The following PDK3 variants were observed in gnomAD, a reference collection of about 807,000 sequenced individuals.
PDK3 encodes the protein pyruvate dehydrogenase kinase 3, also known as pyruvate dehydrogenase kinase, isozyme 3.
In PDK3, 12 loss-of-function variants were observed where a neutral mutation model predicts 32.0. The ratio of observed to expected loss-of-function variants is 0.37; its 90% CI spans 0.24 to 0.61. The LOEUF (loss-of-function observed/expected upper bound fraction) is 0.61. Ranked by LOEUF, PDK3 falls within the 20% of genes least tolerant of loss-of-function variation. PDK3 has a pLI of 0.65. For missense variants in PDK3, 188 were observed against 316.9 expected, an observed-to-expected ratio of 0.59 and a Z score of 3.09; for synonymous variants, 122 against 116.3, an observed-to-expected ratio of 1.05 and a Z score of -0.31.
Position 24,526,408 on chromosome X carries a change from C to T in PDK3, c.750+134C>T, listed in dbSNP as rs756139995. 4 of 431,475 alleles carry T rather than the reference C, an allele frequency of 9.3e-6. No homozygotes were observed. The East Asian group carries it at 1.6e-4, about 17-fold the overall frequency. 35.6% of individuals were successfully genotyped at this position (431,475 alleles called of 1,213,427 possible). On this transcript the variant is annotated intron_variant, in intron 7 of 10. Transcript: ENST00000379162. ...TTTTAAAAATTCTATTTCTGATATC[C>T]TGTGGGTTTTATAATTTGTACACTG...
intron 1 of PDK3, among the ~76,000 whole-genome samples, chrX:24,472,445 G>A (rs1185331795): frequency 9.0e-6 from 1 of 111,431 alleles, no homozygotes; most frequent in Non-Finnish European, 1.9e-5. Flanking sequence ...TAGAAATTTA[G>A]CCTCTGAATT....
intron 1 of PDK3, among the ~76,000 whole-genome samples, chrX:24,488,779 T>C (rs1329005339): frequency 8.9e-6 from 1 of 111,865 alleles, no homozygotes; most frequent in Admixed American, 9.5e-5. Context: ...TGCACATGAG[T>C]GTATTTGAGT....
At chrX:24,507,140 C>T (rs1205393920) in intron 5 of PDK3, among the ~76,000 whole-genome samples, 4 of 111,226 alleles carry the variant, frequency 3.6e-5, no homozygotes, top group Non-Finnish European at 7.5e-5. Flanking sequence ...CAGAAAGAAA[C>T]CCTGGACCTG....
At chrX:24,542,709 G>T (rs759459150) in exon 12 of PDK3, among the ~76,000 whole-genome samples, 5 of 112,439 alleles carry the variant, frequency 4.4e-5, no homozygotes, top group Non-Finnish European at 9.4e-5. Context: ...ATAGCTGTAG[G>T]TAATTACTAG....
chrX:24,503,575 T>C (rs1921915080), intron 4 of PDK3, 64 bp downstream of exon 4: 1 of 856,062 alleles, frequency 1.2e-6, no homozygotes, highest in African/African-American at 2.1e-5. Context: ...CCAAATGTTT[T>C]CCTGTTGTTA....
At chrX:24,494,982 G>C in intron 2 of PDK3, 99 bp downstream of exon 2, 2 of 705,254 alleles carry the variant, frequency 2.8e-6, no homozygotes, top group Non-Finnish European at 4.2e-6. Context: ...TGCCCGTCTA[G>C]GTAGGAATGA....
At chrX:24,505,864 A>G (rs1452502117) in intron 5 of PDK3, among the ~76,000 whole-genome samples, 1 of 111,432 alleles carries the variant, frequency 9.0e-6, no homozygotes, top group African/African-American at 3.3e-5. Context: ...TTTAAGATCA[A>G]TGCTATCTCC....
exon 12 of PDK3, among the ~76,000 whole-genome samples, chrX:24,542,656 G>T (rs950250081): frequency 8.9e-6 from 1 of 112,481 alleles, no homozygotes; most frequent in African/African-American, 3.2e-5. Flanking sequence ...TAATCAGATG[G>T]ATTTGGCAGC....
At chrX:24,492,331 G>A (rs775950052) in intron 1 of PDK3, among the ~76,000 whole-genome samples, 1 of 112,083 alleles carries the variant, frequency 8.9e-6, no homozygotes, top group South Asian at 3.7e-4. Flanking sequence ...GCTCATGCCT[G>A]TAATGCCAGC....
exon 12 of PDK3, among the ~76,000 whole-genome samples, chrX:24,543,575 A>G (rs1922935949): frequency 9.0e-6 from 1 of 110,729 alleles, no homozygotes; most frequent in African/African-American, 3.3e-5. Flanking sequence ...TCAGCCTCCT[A>G]AGTAGCTGGG....
chrX:24,484,845 C>CCTCTCT (rs56683164), intron 1 of PDK3, among the ~76,000 whole-genome samples: 120 of 105,363 alleles, frequency 1.1e-3, no homozygotes, highest in Middle Eastern at 9.7e-3. Context: ...CATCCCTATT[C>CCTCTCT]CTCTCTCTCT....
Position 24,525,346 on chromosome X carries a change from C to T in PDK3, c.674-852C>T, listed in dbSNP as rs190780894. On this transcript the variant is annotated intron_variant, in intron 6 of 10. Transcript: ENST00000379162. ...CCCTCTAGGAGCCAGGAAGTGTTGT[C>T]AGGAGGAGTCAATTGAATAATGTAT... Among the ~76,000 whole-genome samples, 6 of 110,870 alleles carry T rather than the reference C, an allele frequency of 5.4e-5. No homozygotes were observed. The Admixed American group carries it at 5.8e-4, about 11-fold the overall frequency.
intron 6 of PDK3, among the ~76,000 whole-genome samples, chrX:24,524,991 T>TA (rs1308473030): frequency 9.1e-6 from 1 of 110,288 alleles, no homozygotes; most frequent in African/African-American, 3.3e-5. Flanking sequence ...ACCCCGTCTC[T>TA]ACTAAAAATA....
At chrX:24,469,474 G>C (rs140112377) in intron 1 of PDK3, among the ~76,000 whole-genome samples, 1,885 of 109,103 alleles carry the variant, frequency 0.017, 42 homozygotes, top group African/African-American at 0.059. Context: ...CTTTATTTTA[G>C]TTTTTTATTG....
At chrX:24,527,869 T>C (rs1218403806) in intron 8 of PDK3, among the ~76,000 whole-genome samples, 194 bp downstream of exon 8, 2 of 111,942 alleles carry the variant, frequency 1.8e-5, no homozygotes, top group African/African-American at 6.5e-5. Context: ...GAACAAGACC[T>C]CAACACCAAG....
chrX:24,518,883 T>G, intron 5 of PDK3, 50 bp from the exon 6 acceptor site: 1 of 712,718 alleles, frequency 1.4e-6, no homozygotes, highest in Non-Finnish European at 2.2e-6. Context: ...ACACACACGC[T>G]TGTGCCTATG....
intron 5 of PDK3, among the ~76,000 whole-genome samples, chrX:24,510,174 G>A (rs1031038529): frequency 1.8e-5 from 2 of 112,386 alleles, no homozygotes; most frequent in Admixed American, 9.5e-5. Flanking sequence ...ATAGATGTAA[G>A]TGATATTGTT....
intron 2 of PDK3, 40 bp downstream of exon 2, chrX:24,494,923 T>C: frequency 8.8e-7 from 1 of 1,139,957 alleles, no homozygotes. Context: ...CTTCCCACAA[T>C]GCTGTGAACA....
intron 1 of PDK3, among the ~76,000 whole-genome samples, chrX:24,491,283 A>G (rs1338584920): frequency 1.8e-5 from 2 of 109,852 alleles, no homozygotes; most frequent in African/African-American, 6.6e-5. Context: ...TGTCTCAAAA[A>G]AAAAAAAAAA....
Sources: allele counts gnomAD v4.1 joint callset (sites outside exome capture counted in the v4.1 genomes callset), GRCh38; gene constraint gnomAD v4.1.1; transcripts MANE v1.5; gene names NCBI Gene and HGNC (gene_info 2026-07-23, HGNC 2026-07-21).